Variants in SGSM1 observed in about 807,000 individuals in gnomAD.
SGSM1 encodes the protein RUN and TBC1 domain containing 2.
A neutral mutation model predicts 133.8 loss-of-function variants in SGSM1; 73 were observed. The observed-to-expected ratio is 0.55, with a 90% CI of 0.45 to 0.66. The LOEUF (loss-of-function observed/expected upper bound fraction) is 0.66, where lower values mean the gene tolerates loss of function less well. SGSM1 is among the 30% of genes least tolerant of loss of function. The probability of loss-of-function intolerance (pLI) is 0.00; values close to 1 mark genes in which losing one functional copy is unlikely to be tolerated. For missense variants in SGSM1, 1,213 were observed against 1,448.1 expected, an observed-to-expected ratio of 0.84 and a Z score of 2.64; for synonymous variants, 563 against 573.0, an observed-to-expected ratio of 0.98 and a Z score of 0.25.
At chr22:24,813,117 C>G in intron 2 of SGSM1, among the ~76,000 whole-genome samples, 1 of 152,138 alleles carries the variant, frequency 6.6e-6, no homozygotes, top group East Asian at 1.9e-4. Flanking sequence ...TCAACATCTA[C>G]AGGAAGTGTG....
At chr22:24,846,002 T>TTTCTTTC in intron 3 of SGSM1, among the ~76,000 whole-genome samples, 3 of 145,284 alleles carry the variant, frequency 2.1e-5, no homozygotes, top group Admixed American at 7.0e-5. Context: ...TCTTTCTTTC[T>TTTCTTTC]TTCTTTCTTC....
At chr22:24,856,976 G>A (rs1040375020) in intron 8 of SGSM1, among the ~76,000 whole-genome samples, 2 of 151,824 alleles carry the variant, frequency 1.3e-5, no homozygotes, top group African/African-American at 4.8e-5. Context: ...CACCATGTTA[G>A]CCAGGATGGT....
chr22:24,850,018 T>G (rs1252930411), intron 4 of SGSM1, among the ~76,000 whole-genome samples: 1 of 152,104 alleles, frequency 6.6e-6, no homozygotes, highest in African/African-American at 2.4e-5. Flanking sequence ...CACCCTCCTT[T>G]CCAGGAGAGA....
intron 22 of SGSM1, among the ~76,000 whole-genome samples, chr22:24,916,521 C>T (rs968687020): frequency 2.0e-5 from 3 of 151,934 alleles, no homozygotes; most frequent in East Asian, 3.9e-4. Context: ...GGTGAAACCC[C>T]GTCCGTCTCT....
chr22:24,840,688 GTTC>G (rs947729713), intron 2 of SGSM1, among the ~76,000 whole-genome samples: 17 of 152,054 alleles, frequency 1.1e-4, no homozygotes, highest in Middle Eastern at 3.4e-3. Flanking sequence ...GATTTAGTTT[GTTC>G]TTCTTTTTCT....
rs7364247 is a variant in SGSM1 at position 24,854,483 on chromosome 22, G to A, written c.456-513G>A. On this transcript the variant is annotated intron_variant, in intron 5 of 24. Coordinates refer to ENST00000400358, the MANE Select transcript of SGSM1 (RefSeq NM_001098497.3). Reference sequence around the variant, plus strand: ...TAAGGAGGTACATGCTGAGCACCCCGCTAAATACCTTTAATTTTTGGTTCT... The same window carrying A: ...TAAGGAGGTACATGCTGAGCACCCCACTAAATACCTTTAATTTTTGGTTCT... Among the ~76,000 whole-genome samples, 737 of 152,242 alleles carry A rather than the reference G, an allele frequency of 4.8e-3. 7 individuals carry two copies. The highest frequency in any genetic ancestry group is 0.016 in the African/African-American group (664 of 41,554).
At chr22:24,921,752 T>C (rs1403021456) in intron 24 of SGSM1, among the ~76,000 whole-genome samples, 1 of 151,438 alleles carries the variant, frequency 6.6e-6, no homozygotes. Context: ...CAGGCTGGAG[T>C]ACAATGGCAT....
chr22:24,833,656 C>CAA (rs139639), intron 2 of SGSM1, among the ~76,000 whole-genome samples: 1 of 140,220 alleles, frequency 7.1e-6, no homozygotes, highest in Non-Finnish European at 1.6e-5. Context: ...GACTCCGTCT[C>CAA]AAAAAAAAAA....
At chr22:24,840,994 G>T (rs1219150839) in intron 2 of SGSM1, among the ~76,000 whole-genome samples, 2 of 152,076 alleles carry the variant, frequency 1.3e-5, no homozygotes, top group Admixed American at 1.3e-4. Flanking sequence ...GGGACTACAG[G>T]CGCCCACCAC....
intron 2 of SGSM1, among the ~76,000 whole-genome samples, chr22:24,827,164 G>A (rs1397891116): frequency 6.6e-6 from 1 of 152,068 alleles, no homozygotes; most frequent in Non-Finnish European, 1.5e-5. Context: ...GCAAGTTAAT[G>A]TGGAACCTGG....
intron 5 of SGSM1, among the ~76,000 whole-genome samples, chr22:24,854,247 G>A (rs1930647156): frequency 6.6e-6 from 1 of 152,154 alleles, no homozygotes; most frequent in African/African-American, 2.4e-5. Context: ...ATCAAGGCAG[G>A]AAAGCCTGTT....
intron 21 of SGSM1, among the ~76,000 whole-genome samples, chr22:24,911,184 C>T (rs919136895): frequency 6.6e-6 from 1 of 152,000 alleles, no homozygotes; most frequent in Non-Finnish European, 1.5e-5. Context: ...CTGCAGTGAG[C>T]CGTGATTGTG....
At chr22:24,920,286 C>G (rs1933959609) in intron 24 of SGSM1, among the ~76,000 whole-genome samples, 1 of 152,214 alleles carries the variant, frequency 6.6e-6, no homozygotes, top group South Asian at 2.1e-4. Context: ...CTTCCCCTCT[C>G]TCTAAACATC....
At chr22:24,865,491 G>A (rs1331814937) in intron 9 of SGSM1, among the ~76,000 whole-genome samples, 1 of 152,222 alleles carries the variant, frequency 6.6e-6, no homozygotes, top group Admixed American at 6.5e-5. Context: ...GTCCCCAGCA[G>A]TGTGACTTGA....
intron 2 of SGSM1, chr22:24,843,763 C>A (rs1490821464): frequency 6.6e-6 from 1 of 152,252 alleles, no homozygotes; most frequent in Non-Finnish European, 1.5e-5. Flanking sequence ...CCCTTTTGCA[C>A]TGTGTCCCTG....
chr22:24,820,241 C>CGGGGGA (rs1928386359), intron 2 of SGSM1, among the ~76,000 whole-genome samples: 1 of 152,036 alleles, frequency 6.6e-6, no homozygotes. Flanking sequence ...AATCAGGCCC[C>CGGGGGA]GGGGGAGCCT....
At chr22:24,893,361 C>T in intron 16 of SGSM1, 70 bp from the exon 17 acceptor site, 1 of 1,533,176 alleles carries the variant, frequency 6.5e-7, no homozygotes, top group Non-Finnish European at 8.9e-7. Flanking sequence ...CACTCTCTTC[C>T]ACGTTGGTCT....
In SGSM1 at chr22:24,889,150, C is replaced by T. The variant is rs1191480461; in HGVS notation, c.1770+2422C>T. Among the ~76,000 whole-genome samples, 8 of 151,730 alleles carry T rather than the reference C, an allele frequency of 5.3e-5. No homozygotes were observed. In the East Asian group the frequency reaches 1.4e-3, roughly 26 times the overall value. On this transcript the variant is annotated intron_variant, in intron 16 of 24. Coordinates refer to ENST00000400358, the MANE Select transcript of SGSM1 (RefSeq NM_001098497.3). Reference sequence around the variant, plus strand: ...CTACTTTTTGTATTTTTAGTAGAGACGGGGTTTCACCATGTTGGCCAGGCT... The same window carrying T: ...CTACTTTTTGTATTTTTAGTAGAGATGGGGTTTCACCATGTTGGCCAGGCT...
intron 2 of SGSM1, among the ~76,000 whole-genome samples, chr22:24,828,419 G>A (rs1928914549): frequency 1.3e-5 from 2 of 152,048 alleles, no homozygotes. Flanking sequence ...CTTTGCAAGA[G>A]AAAAGAAAAC....
Sources: allele counts gnomAD v4.1 joint callset (sites outside exome capture counted in the v4.1 genomes callset), GRCh38; gene constraint gnomAD v4.1.1; transcripts MANE v1.5; gene names NCBI Gene and HGNC (gene_info 2026-07-23, HGNC 2026-07-21).